Variants in TASP1 observed in about 807,000 individuals in gnomAD.
The protein encoded by TASP1 is taspase 1, also known as threonine aspartase 1.
In TASP1, 16 loss-of-function variants were observed where a neutral mutation model predicts 56.6. That is an observed-to-expected ratio of 0.28 (90% confidence interval 0.19 to 0.43). TASP1 has a LOEUF of 0.43. TASP1 is among the 20% of genes least tolerant of loss of function. TASP1 has a pLI of 1.00. For synonymous variants in TASP1, 179 were observed against 184.2 expected (o/e 0.97, Z 0.23); for missense variants, 393 against 511.6 (o/e 0.77, Z 2.24).
intron 7 of TASP1, among the ~76,000 whole-genome samples, chr20:13,566,150 A>ATT (rs2046521532): frequency 6.6e-6 from 1 of 152,144 alleles, no homozygotes; most frequent in Non-Finnish European, 1.5e-5. Flanking sequence ...ACAAAAATGA[A>ATT]CTAGCCAGGG....
At chr20:13,635,684 G>C (rs73270753) in intron 1 of TASP1, among the ~76,000 whole-genome samples, 68 of 152,008 alleles carry the variant, frequency 4.5e-4, no homozygotes, top group African/African-American at 1.5e-3. Context: ...CACCACTCCC[G>C]GCCAACCTTC....
chr20:13,309,661 C>T, the TASP1 span, among the ~76,000 whole-genome samples: 206 of 152,244 alleles, frequency 1.4e-3, no homozygotes, highest in Non-Finnish European at 2.3e-3. Context: ...GAATTTATCT[C>T]TGTTTGCAGA....
intron 7 of TASP1, among the ~76,000 whole-genome samples, chr20:13,566,490 A>G (rs2084329877): frequency 1.3e-5 from 2 of 150,908 alleles, no homozygotes; most frequent in South Asian, 4.2e-4. Context: ...CTCAGGAATG[A>G]AAAAAAAACA....
the TASP1 span, among the ~76,000 whole-genome samples, chr20:13,344,224 T>C: frequency 6.6e-6 from 1 of 151,942 alleles, no homozygotes. Context: ...ACCTGCAAGC[T>C]CTAGGGGACA....
the TASP1 span, among the ~76,000 whole-genome samples, chr20:13,313,004 C>A: frequency 2.6e-5 from 4 of 152,158 alleles, no homozygotes; most frequent in East Asian, 7.7e-4. Flanking sequence ...TGAGCCTCAT[C>A]TGCGCATCTT....
intron 4 of TASP1, among the ~76,000 whole-genome samples, chr20:13,604,987 C>CATAT (rs3042652): frequency 0.039 from 5,516 of 140,404 alleles, 118 homozygotes; most frequent in Non-Finnish European, 0.05. Flanking sequence ...AGACATAATA[C>CATAT]ATATATATAT....
the TASP1 span, among the ~76,000 whole-genome samples, chr20:13,159,757 T>A: frequency 6.6e-6 from 1 of 152,172 alleles, no homozygotes; most frequent in African/African-American, 2.4e-5. Flanking sequence ...AATTATCTAA[T>A]GAGTGTGTCA....
chr20:13,411,534 T>C (rs904738121), intron 13 of TASP1, among the ~76,000 whole-genome samples: 3 of 152,196 alleles, frequency 2.0e-5, no homozygotes, highest in Non-Finnish European at 2.9e-5. Context: ...TATTTCTTTT[T>C]AGCTATTGTA....
At chr20:13,325,369 G>T in the TASP1 span, among the ~76,000 whole-genome samples, 1 of 152,180 alleles carries the variant, frequency 6.6e-6, no homozygotes, top group Non-Finnish European at 1.5e-5. Context: ...TCGAACTCCT[G>T]CATGCTTGCT....
intron 11 of TASP1, among the ~76,000 whole-genome samples, chr20:13,470,783 G>A (rs866850978): frequency 2.0e-5 from 3 of 151,980 alleles, no homozygotes; most frequent in Admixed American, 6.6e-5. Context: ...TCTCCCAGCC[G>A]CTCAACAGAG....
chr20:13,225,359 GAGAA>G, the TASP1 span, among the ~76,000 whole-genome samples: 2 of 152,182 alleles, frequency 1.3e-5, no homozygotes, highest in African/African-American at 4.8e-5. Context: ...ACTCAAGAGA[GAGAA>G]AGGCTTTTAA....
the TASP1 span, among the ~76,000 whole-genome samples, chr20:13,150,777 C>T: frequency 6.6e-6 from 1 of 152,190 alleles, no homozygotes; most frequent in South Asian, 2.1e-4. Context: ...TTGCCTTGTT[C>T]ACAACTTCTG....
the TASP1 span, among the ~76,000 whole-genome samples, chr20:13,272,798 A>C: frequency 1.3e-5 from 2 of 152,228 alleles, no homozygotes; most frequent in Non-Finnish European, 2.9e-5. Flanking sequence ...CTGACTTCAT[A>C]CCGTTGCTCA....
At chr20:13,130,038 A>G in the TASP1 span, among the ~76,000 whole-genome samples, 2 of 152,254 alleles carry the variant, frequency 1.3e-5, no homozygotes, top group African/African-American at 4.8e-5. Flanking sequence ...TTTTCAAAGA[A>G]ACAAAGGAAA....
At chr20:13,523,393 T>C (rs764966466) in intron 10 of TASP1, among the ~76,000 whole-genome samples, 3 of 152,160 alleles carry the variant, frequency 2.0e-5, no homozygotes, top group Non-Finnish European at 4.4e-5. Flanking sequence ...TAGTCTCCCA[T>C]TGGCTCCTGC....
At chr20:13,520,307 AT>A (rs1238065832) in intron 10 of TASP1, among the ~76,000 whole-genome samples, 1 of 152,232 alleles carries the variant, frequency 6.6e-6, no homozygotes, top group Non-Finnish European at 1.5e-5. Context: ...AAGAGCCCAC[AT>A]TGCCAAGTCA....
the TASP1 span, among the ~76,000 whole-genome samples, chr20:13,231,375 AG>A: frequency 6.6e-6 from 1 of 152,226 alleles, no homozygotes; most frequent in African/African-American, 2.4e-5. Context: ...TGGGCTGCAA[AG>A]GTCACGCCTA....
the TASP1 span, among the ~76,000 whole-genome samples, chr20:13,174,605 G>A: frequency 2.0e-5 from 3 of 151,840 alleles, no homozygotes; most frequent in Non-Finnish European, 2.9e-5. Flanking sequence ...AGACTGAGGC[G>A]GTAGAATCAC....
the TASP1 span, among the ~76,000 whole-genome samples, chr20:13,304,592 G>A: frequency 1.3e-5 from 2 of 152,078 alleles, no homozygotes; most frequent in East Asian, 1.9e-4. Context: ...TTCCATCATC[G>A]TGGAGCCCAG....
Sources: gnomAD v4.1 joint callset for allele counts (sites outside exome capture counted in the v4.1 genomes callset) on GRCh38, gnomAD v4.1.1 for gene constraint, MANE v1.5 for transcripts, NCBI Gene and HGNC (gene_info 2026-07-23, HGNC 2026-07-21) for gene names.